The following DLG5 variants were observed in gnomAD, a reference collection of about 807,000 sequenced individuals.
DLG5 encodes discs large MAGUK scaffold protein 5, also known as disks large homolog 5.
In DLG5, 48 loss-of-function variants were observed where a neutral mutation model predicts 189.8. The observed-to-expected ratio is 0.25, with a 90% CI of 0.20 to 0.32. DLG5 has a LOEUF of 0.32. DLG5 is among the 10% of genes least tolerant of loss of function. DLG5 has a pLI of 1.00. For synonymous variants in DLG5, 1,016 were observed against 1,054.1 expected (o/e 0.96, Z 0.70); for missense variants, 2,160 against 2,544.7 (o/e 0.85, Z 3.25).
In DLG5 at chr10:77,926,306, C is replaced by T. The variant is rs1366081225; in HGVS notation, c.215G>A (p.Arg72Gln). Reference sequence around the variant, plus strand: ...AGGCTGCGTCTTCTCCAGCGCCGCCCGCAGGTCCTGGAAGTGGTCCCGCTC... The same window carrying T: ...AGGCTGCGTCTTCTCCAGCGCCGCCTGCAGGTCCTGGAAGTGGTCCCGCTC... ...AKERDHFQDL[R>Q]AALEKTQPHL... is the part of the protein sequence containing the mutation. The change falls in exon 1 of 32, where the codon CGG becomes CAG. Residue 72 changes from arginine (R) to glutamine (Q), a missense_variant. By Grantham distance (43) the Arg-to-Gln change is conservative. This residue lies in a region of DLG5 where 664 missense variants were observed against 838.5 expected (regional missense o/e 0.79). Coordinates refer to ENST00000372391, the MANE Select transcript of DLG5 (RefSeq NM_004747.4). This position sits in a 1 kb window ranked among gnomAD's most constrained non-coding sequence, Gnocchi z 5.2. 6.3e-7 allele frequency: 1 copy of T among 1,598,912 alleles called. No individual in the cohort carries two copies. Among genetic ancestry groups the T allele is most frequent in the Non-Finnish European group, 8.5e-7 (1 of 1,174,234 alleles).
At chr10:77,862,769 G>C (rs1844521652) in intron 2 of DLG5, among the ~76,000 whole-genome samples, 2 of 152,210 alleles carry the variant, frequency 1.3e-5, no homozygotes, top group Non-Finnish European at 2.9e-5. Context: ...GACACACACA[G>C]GGTGTGGGGG....
chr10:77,867,379 T>C (rs1186537021), intron 2 of DLG5, among the ~76,000 whole-genome samples: 1 of 152,202 alleles, frequency 6.6e-6, no homozygotes, highest in African/African-American at 2.4e-5. Flanking sequence ...GGTGAAAAAC[T>C]AGACAGGTCA....
At position 77,874,336 on chromosome 10, in the gene DLG5, T is replaced by C. The variant is rs72821622; in HGVS notation, c.305-5139A>G. ...GCCTCTCTGTGCTTCCACATACTTA[T>C]CAGTAAAATGGGATGATAGAAGTGC... On this transcript the variant is annotated intron_variant, in intron 1 of 31. Transcript: ENST00000372391. 3.4e-3 allele frequency among the ~76,000 whole-genome samples: 520 copies of C among 152,352 alleles called. 1 individual carries two copies. The highest frequency in any genetic ancestry group is 0.02 in the Middle Eastern group (6 of 294).
chr10:77,854,518 T>C (rs1165096014), intron 3 of DLG5, 148 bp from the exon 4 acceptor site: 33 of 1,082,792 alleles, frequency 3.0e-5, no homozygotes, highest in Non-Finnish European at 4.1e-5. Context: ...TAAACTCAGA[T>C]ATCCTGGCCT....
rs371506013 is a variant in DLG5 at position 77,843,531 on chromosome 10, C to T, written c.1040G>A (p.Arg347Gln). ...CAGCATCTCTGTCTGCTTCAGCAAC[C>T]GCTGGTTCTCCTCCCCCAGCTGCTC... Reference protein sequence around the residue: ...RLEQLGEENQRLLKQTEMLTQ... With the variant: ...RLEQLGEENQQLLKQTEMLTQ... Residue 347 changes from arginine (R) to glutamine (Q), a missense_variant, in exon 6 of 32, where the codon CGG becomes CAG. Coordinates refer to ENST00000372391, the MANE Select transcript of DLG5 (RefSeq NM_004747.4). 5.0e-6 allele frequency: 8 copies of T among 1,614,066 alleles called. No homozygotes were observed. The highest frequency in any genetic ancestry group is 2.2e-5 in the East Asian group (1 of 44,896).
At chr10:77,896,233 T>C (rs1302890803) in intron 1 of DLG5, among the ~76,000 whole-genome samples, 1 of 152,228 alleles carries the variant, frequency 6.6e-6, no homozygotes, top group Non-Finnish European at 1.5e-5. Context: ...ATCCAGATTT[T>C]ATTTGGCTAG....
chr10:77,830,988 C>T (rs879793216), intron 9 of DLG5, 115 bp from the exon 10 acceptor site: 1 of 1,265,974 alleles, frequency 7.9e-7, no homozygotes, highest in South Asian at 1.6e-5. Context: ...GGGTTCCTTT[C>T]CCCCTTGTTT....
At chr10:77,811,282 G>T (rs1841759153) in intron 22 of DLG5, 48 bp from the exon 23 acceptor site, 1 of 1,581,674 alleles carries the variant, frequency 6.3e-7, no homozygotes. Flanking sequence ...AAGCCACCCA[G>T]AGCCACCCCC....
At chr10:77,883,564 A>G (rs562866736) in intron 1 of DLG5, among the ~76,000 whole-genome samples, 53 of 152,250 alleles carry the variant, frequency 3.5e-4, no homozygotes, top group African/African-American at 1.3e-3. Context: ...TGGTAATGTG[A>G]AGCCCCTGGG....
intron 1 of DLG5, among the ~76,000 whole-genome samples, chr10:77,920,411 G>A (rs1207892949): frequency 2.0e-5 from 3 of 152,252 alleles, no homozygotes; most frequent in South Asian, 2.1e-4. Flanking sequence ...CTGTATTATC[G>A]CACAAAGGTG....
intron 1 of DLG5, among the ~76,000 whole-genome samples, chr10:77,891,156 T>A (rs1412209676): frequency 6.6e-6 from 1 of 152,068 alleles, no homozygotes; most frequent in African/African-American, 2.4e-5. Flanking sequence ...TATGCATGCC[T>A]CCCTATGGTT....
chr10:77,806,370 A>C (rs1841471725), intron 26 of DLG5, among the ~76,000 whole-genome samples: 1 of 152,178 alleles, frequency 6.6e-6, no homozygotes, highest in Non-Finnish European at 1.5e-5. Context: ...AGGGGCTGAC[A>C]GCTAATGGGT....
At chr10:77,923,706 C>G (rs868145365) in intron 1 of DLG5, among the ~76,000 whole-genome samples, 1 of 152,050 alleles carries the variant, frequency 6.6e-6, no homozygotes, top group Non-Finnish European at 1.5e-5. Flanking sequence ...TGCAGTGAGC[C>G]GAGATTGTGC....
chr10:77,811,175 G>T lies in DLG5; in HGVS notation c.4382C>A (p.Pro1461Gln), dbSNP rs141477979. Residue 1461 changes from proline to glutamine, a missense_variant, in exon 23 of 32, where the codon CCG (proline) becomes CAG (glutamine). Physicochemically the swap from Pro to Gln is moderately conservative, Grantham distance 76. Coordinates refer to ENST00000372391, the MANE Select transcript of DLG5 (RefSeq NM_004747.4). ...TGGGTCGATGACAGATGGATGCTCC[G>T]GGGTGGTGGTGCCACTGCCCTGGAG... ...STLQGSGTTT[P>Q]EHPSVIDPLM... The T allele has an allele frequency of 6.2e-6, 10 of 1,613,350 alleles. No individual in the cohort carries two copies. Among genetic ancestry groups the T allele is most frequent in the Non-Finnish European group, 8.5e-6 (10 of 1,179,974 alleles).
intron 20 of DLG5, among the ~76,000 whole-genome samples, chr10:77,814,466 TA>T: frequency 2.4e-5 from 1 of 41,088 alleles, no homozygotes; most frequent in South Asian, 7.3e-4. Context: ...CATGTTTATA[TA>T]TATATATATA....
At chr10:77,825,717 G>A (rs573767194) in intron 13 of DLG5, among the ~76,000 whole-genome samples, 16 of 151,874 alleles carry the variant, frequency 1.1e-4, no homozygotes, top group Admixed American at 6.6e-4. Flanking sequence ...CTCCATGCCC[G>A]GCTAATATTT....
Position 77,918,632 on chromosome 10 carries a change from C to T in DLG5, c.304+7585G>A, listed in dbSNP as rs60005745. Among the ~76,000 whole-genome samples the T allele has an allele frequency of 4.1e-3, 631 of 152,116 alleles. 3 individuals carry two copies. The highest frequency in any genetic ancestry group is 0.014 in the African/African-American group (593 of 41,498). The stretch of plus-strand genomic sequence containing the variant: ...ATGTTTCTGTAGCACTTTTGTGGAA[C>T]GCAGTCTCAAAAAGATCAATAGAGA... On this transcript the variant is annotated intron_variant, in intron 1 of 31. Transcript: ENST00000372391.
At chr10:77,873,037 A>ATGTG (rs1564567206) in intron 1 of DLG5, among the ~76,000 whole-genome samples, 1 of 145,534 alleles carries the variant, frequency 6.9e-6, no homozygotes, top group African/African-American at 2.7e-5. Flanking sequence ...GTGTGCACAC[A>ATGTG]CACACACACA....
intron 21 of DLG5, 35 bp downstream of exon 21, chr10:77,812,180 C>T (rs1841810112): frequency 1.2e-6 from 2 of 1,602,580 alleles, no homozygotes; most frequent in Non-Finnish European, 1.7e-6. Flanking sequence ...TGCAGGTTTC[C>T]ATGGGCGCCA....
Sources: gnomAD v4.1 joint callset for allele counts (sites outside exome capture counted in the v4.1 genomes callset) on GRCh38, gnomAD v4.1.1 for gene constraint, gnomAD v4.1.1 regional missense constraint, Gnocchi (gnomAD v3.1) non-coding constraint, MANE v1.5 for transcripts, NCBI Gene and HGNC (gene_info 2026-07-23, HGNC 2026-07-21) for gene names.